Variants in TAF3 observed in about 807,000 individuals in gnomAD.
TAF3 encodes transcription initiation factor TFIID subunit 3.
A neutral mutation model predicts 80.6 loss-of-function variants in TAF3; 7 were observed. The observed-to-expected ratio is 0.09, with a 90% CI of 0.05 to 0.16. The LOEUF (loss-of-function observed/expected upper bound fraction) is 0.16. TAF3 is among the 10% of genes least tolerant of loss of function. The pLI is 1.00. For synonymous variants in TAF3, 444 were observed against 446.1 expected (o/e 1.00, Z 0.06); for missense variants, 921 against 1,140.2 (o/e 0.81, Z 2.77).
intron 2 of TAF3, among the ~76,000 whole-genome samples, chr10:7,848,682 T>C (rs1344679326): frequency 6.6e-6 from 1 of 152,212 alleles, no homozygotes; most frequent in Non-Finnish European, 1.5e-5. Context: ...TTCATTTTTA[T>C]TGAAGCTGGC....
Position 7,824,380 on chromosome 10 carries a change from C to G in TAF3, c.229C>G (p.Leu77Val), listed in dbSNP as rs774293127. Reference sequence around the variant, plus strand: ...AGCTTTCCAGCTGATGGGGGTTAGTCTACATGAACTAGAAGACTATATTCA... The same window carrying G: ...AGCTTTCCAGCTGATGGGGGTTAGTGTACATGAACTAGAAGACTATATTCA... ...GEAFQLMGVS[L>V]HELEDYIHNI... The change falls in exon 2 of 7, where the codon CTA becomes GTA. Residue 77 changes from leucine to valine, a missense_variant. Leu to Val is a conservative substitution (Grantham distance 32). Coordinates refer to ENST00000344293, the MANE Select transcript of TAF3 (RefSeq NM_031923.4). 2 of 1,614,010 alleles carry G rather than the reference C, an allele frequency of 1.2e-6. No individual in the cohort carries two copies. Among genetic ancestry groups the G allele is most frequent in the African/African-American group, 2.7e-5 (2 of 74,904 alleles).
chr10:7,914,216 A>T (rs925939076), intron 2 of TAF3, among the ~76,000 whole-genome samples: 1 of 152,238 alleles, frequency 6.6e-6, no homozygotes, highest in African/African-American at 2.4e-5. Context: ...TTCTATTAGA[A>T]ATACGTATGG....
At chr10:7,873,625 C>CCA (rs1554779086) in intron 2 of TAF3, among the ~76,000 whole-genome samples, 1 of 126,858 alleles carries the variant, frequency 7.9e-6, no homozygotes, top group South Asian at 2.7e-4. Context: ...TCTCCCCCCC[C>CCA]CCCCGTCAAA....
intron 2 of TAF3, among the ~76,000 whole-genome samples, chr10:7,865,565 G>A (rs964109798): frequency 2.0e-5 from 3 of 152,220 alleles, no homozygotes; most frequent in African/African-American, 4.8e-5. Context: ...GCTGAGCTGT[G>A]TGGGGCCTCC....
chr10:7,835,618 T>C (rs1049371118), intron 2 of TAF3, among the ~76,000 whole-genome samples: 2 of 152,176 alleles, frequency 1.3e-5, no homozygotes, highest in African/African-American at 4.8e-5. Flanking sequence ...TCTAGCCCCA[T>C]TGGATCTCAC....
intron 2 of TAF3, among the ~76,000 whole-genome samples, chr10:7,938,601 G>A (rs1343571906): frequency 6.6e-6 from 1 of 152,132 alleles, no homozygotes. Flanking sequence ...GAAATAATGA[G>A]GCCAATTTAT....
Position 7,941,839 on chromosome 10 carries a change from A to G in TAF3, c.410-22081A>G, listed in dbSNP as rs80146167. 4.9e-4 allele frequency among the ~76,000 whole-genome samples: 74 copies of G among 152,304 alleles called. No individual in the cohort carries two copies. In the East Asian group the frequency reaches 0.01, roughly 21 times the overall value. Reference sequence around the variant, plus strand: ...AGCCTGGAGCATGTGTGTCAGCAACAGAGGGGAGAGACATCCTTGTGTTGG... The same window carrying G: ...AGCCTGGAGCATGTGTGTCAGCAACGGAGGGGAGAGACATCCTTGTGTTGG... On this transcript the variant is annotated intron_variant, in intron 2 of 6. Transcript: ENST00000344293.
At chr10:7,920,664 A>G (rs1270367463) in intron 2 of TAF3, among the ~76,000 whole-genome samples, 1 of 152,186 alleles carries the variant, frequency 6.6e-6, no homozygotes, top group African/African-American at 2.4e-5. Context: ...GCCATTTTAA[A>G]AGTCAGAATT....
chr10:7,902,649 A>G (rs965848146), intron 2 of TAF3, among the ~76,000 whole-genome samples: 5 of 152,032 alleles, frequency 3.3e-5, no homozygotes, highest in African/African-American at 9.7e-5. Context: ...GATGGTGTCT[A>G]TCGGATGTTT....
intron 2 of TAF3, among the ~76,000 whole-genome samples, chr10:7,871,435 C>CTGTTTTTTTTT (rs1837263856): frequency 1.4e-5 from 1 of 69,116 alleles, no homozygotes; most frequent in Non-Finnish European, 2.9e-5. Context: ...ATAACTGCTG[C>CTGTTTTTTTTT]TTTTTTTTTT....
chr10:7,818,967 A>C, intron 1 of TAF3, 92 bp downstream of exon 1: 2 of 1,215,392 alleles, frequency 1.6e-6, no homozygotes, highest in South Asian at 2.2e-5. Context: ...CGGGGTGTGC[A>C]TCCCGCACCC....
At chr10:7,910,323 TACAA>T (rs200355016) in intron 2 of TAF3, among the ~76,000 whole-genome samples, 1,665 of 152,342 alleles carry the variant, frequency 0.011, 19 homozygotes, top group Middle Eastern at 0.031. Context: ...TGCTACAACA[TACAA>T]ACATCTAAAT....
chr10:7,879,055 A>T (rs917305026), intron 2 of TAF3, among the ~76,000 whole-genome samples: 8 of 152,168 alleles, frequency 5.3e-5, no homozygotes, highest in Non-Finnish European at 1.0e-4. Context: ...GTTACTACAC[A>T]TTTAGGCTCT....
chr10:7,904,352 C>T (rs550560466), intron 2 of TAF3, among the ~76,000 whole-genome samples: 1 of 152,270 alleles, frequency 6.6e-6, no homozygotes, highest in Admixed American at 6.5e-5. Flanking sequence ...AGCCCTAATA[C>T]AACTGAAATG....
rs142307269 is a variant in TAF3 at position 7,976,501 on chromosome 10, G to A, written c.2233-740G>A. ...ATGATCTCGGCTCACTGTAAGCTCC[G>A]CCTCCCGGGTTCACACCATTTTCCT... On this transcript the variant is annotated intron_variant, in intron 3 of 6. Coordinates refer to ENST00000344293, the MANE Select transcript of TAF3 (RefSeq NM_031923.4). 7.2e-3 allele frequency among the ~76,000 whole-genome samples: 1,078 copies of A among 149,222 alleles called. 12 individuals are homozygous for A. The highest frequency in any genetic ancestry group is 0.025 in the African/African-American group (1,015 of 40,476).
intron 5 of TAF3, among the ~76,000 whole-genome samples, chr10:8,010,163 T>G (rs982310862): frequency 1.3e-5 from 2 of 152,246 alleles, no homozygotes; most frequent in Admixed American, 6.5e-5. Context: ...CATTTCTGCC[T>G]CCCAACGTGC....
intron 4 of TAF3, among the ~76,000 whole-genome samples, chr10:7,995,060 T>C (rs1050481945): frequency 6.6e-6 from 1 of 151,882 alleles, no homozygotes; most frequent in East Asian, 1.9e-4. Flanking sequence ...ACAAGAATTA[T>C]ATAAAATAGC....
chr10:7,890,230 C>G (rs951830489), intron 2 of TAF3, among the ~76,000 whole-genome samples: 1 of 152,220 alleles, frequency 6.6e-6, no homozygotes, highest in Non-Finnish European at 1.5e-5. Context: ...GAAGGACCAT[C>G]TCTTCTTATC....
In TAF3 at chr10:7,840,354, G is replaced by A. The variant is rs994919023; in HGVS notation, c.409+15794G>A. Among the ~76,000 whole-genome samples the A allele has an allele frequency of 2.6e-5, 4 of 151,822 alleles. No individual in the cohort carries two copies. In the East Asian group the frequency reaches 5.8e-4, roughly 22 times the overall value. On this transcript the variant is annotated intron_variant, in intron 2 of 6. Transcript: ENST00000344293. ...TTTTTGGTAGAGATGGGGTTTCACC[G>A]TGTTAGCCAGGATGGTCTCGATCTC...
Sources: gnomAD v4.1 joint callset for allele counts (sites outside exome capture counted in the v4.1 genomes callset) on GRCh38, gnomAD v4.1.1 for gene constraint, MANE v1.5 for transcripts, NCBI Gene and HGNC (gene_info 2026-07-23, HGNC 2026-07-21) for gene names.